FCRL4: variants seen among roughly 807,000 people sequenced by gnomAD.
FCRL4 encodes the protein Fc receptor like 4.
Under a neutral mutation model 64.1 loss-of-function variants are expected in FCRL4, and 43 were observed. The observed-to-expected ratio is 0.67, with a 90% CI of 0.53 to 0.87. The LOEUF (loss-of-function observed/expected upper bound fraction) is 0.87. Ranked by LOEUF, FCRL4 falls within the 40% of genes least tolerant of loss-of-function variation. The pLI, the probability that FCRL4 is intolerant of heterozygous loss-of-function variation, is 0.00. For missense variants in FCRL4, 656 were observed against 613.5 expected (o/e 1.07, Z -0.73); for synonymous variants, 253 against 239.8 (o/e 1.05, Z -0.51).
chr1:157,591,619 G>T (rs1299817173), intron 2 of FCRL4, among the ~76,000 whole-genome samples: 1 of 152,076 alleles, frequency 6.6e-6, no homozygotes, highest in Admixed American at 6.6e-5. Flanking sequence ...GGGGAGGTAG[G>T]TGCTCCTAAC....
At chr1:157,583,436 A>G (rs6698903) in intron 6 of FCRL4, among the ~76,000 whole-genome samples, 6,409 of 152,090 alleles carry the variant, frequency 0.042, 342 homozygotes, top group African/African-American at 0.12. Flanking sequence ...TCTAACCCCA[A>G]TGTGATGGTA....
At chr1:157,596,674 C>T (rs1652973932) in intron 1 of FCRL4, among the ~76,000 whole-genome samples, 1 of 152,174 alleles carries the variant, frequency 6.6e-6, no homozygotes, top group African/African-American at 2.4e-5. Context: ...CAATTAATGG[C>T]TGCTGTCATT....
intron 6 of FCRL4, among the ~76,000 whole-genome samples, chr1:157,585,344 C>CTCTTTCTTTCTTTCTT (rs764765610): frequency 2.7e-4 from 22 of 81,314 alleles, no homozygotes; most frequent in African/African-American, 6.6e-4. Flanking sequence ...CTTTCTCTCT[C>CTCTTTCTTTCTTTCTT]TCTTTCTTTC....
At position 157,587,571 on chromosome 1, in the gene FCRL4, G is replaced by T; in HGVS notation, c.563-11C>A. ...GATGTGGAAATAGTTCTAGAGAGAA[G>T]AGGTAAGTCAAGTTCTGAGCACGAG... On this transcript the variant is annotated splice_polypyrimidine_tract_variant and intron_variant, in intron 4 of 11. Transcript: ENST00000271532. 2 of 1,611,294 alleles carry T rather than the reference G, an allele frequency of 1.2e-6. No individual in the cohort carries two copies. Among genetic ancestry groups the T allele is most frequent in the South Asian group, 2.2e-5 (2 of 90,952 alleles).
intron 6 of FCRL4, 66 bp downstream of exon 6, chr1:157,586,102 T>C: frequency 6.8e-7 from 1 of 1,472,596 alleles, no homozygotes; most frequent in African/African-American, 1.4e-5. Context: ...TAATGTTAGC[T>C]ATCCCCACCC....
At chr1:157,588,351 T>A (rs772076798) in intron 3 of FCRL4, among the ~76,000 whole-genome samples, 1 of 151,958 alleles carries the variant, frequency 6.6e-6, no homozygotes, top group Non-Finnish European at 1.5e-5. Context: ...AGATAAGGAG[T>A]CTAATACGGA....
At chr1:157,585,391 TTTCC>T (rs879765466) in intron 6 of FCRL4, among the ~76,000 whole-genome samples, 16,636 of 94,340 alleles carry the variant, frequency 0.18, 1,575 homozygotes, top group Middle Eastern at 0.21. Flanking sequence ...TCTTTCTTTC[TTTCC>T]TTCTTTCTTT....
chr1:157,590,734 G>A (rs1166600759), intron 2 of FCRL4, among the ~76,000 whole-genome samples: 1 of 152,050 alleles, frequency 6.6e-6, no homozygotes, highest in African/African-American at 2.4e-5. Flanking sequence ...AGCCAGGATG[G>A]TCTCTATCTC....
chr1:157,595,698 T>C (rs1652946162), intron 2 of FCRL4, among the ~76,000 whole-genome samples: 1 of 152,166 alleles, frequency 6.6e-6, no homozygotes, highest in Non-Finnish European at 1.5e-5. Context: ...AACAGCAGAG[T>C]TAGGAGCTGC....
chr1:157,574,269 A>G lies in FCRL4; in HGVS notation c.*1255T>C. On this transcript the variant is annotated 3_prime_UTR_variant, in exon 12 of 12. Coordinates refer to ENST00000271532, the MANE Select transcript of FCRL4 (RefSeq NM_031282.3). ...GATTTGCCCTATAGAACTTTTTCTC[A>G]GTTTATGTTTTGCTGGTTGCAATCC... 4.6e-6 allele frequency: 1 copy of G among 218,436 alleles called. No homozygotes were observed. The highest frequency in any genetic ancestry group is 9.2e-6 in the Non-Finnish European group (1 of 108,922). 13.5% of individuals were successfully genotyped at this position (218,436 alleles called of 1,614,324 possible).
chr1:157,586,570 G>C lies in FCRL4; in HGVS notation c.848-115C>G, dbSNP rs574659351. On this transcript the variant is annotated intron_variant, in intron 5 of 11. Transcript: ENST00000271532. ...TGACTTCAAGATATACTCTTCAGCA[G>C]GCACTAGCATTGTGGCCAATAGACC... 6.8e-6 allele frequency: 6 copies of C among 876,528 alleles called. No individual in the cohort carries two copies. In the East Asian group the frequency reaches 7.5e-5, roughly 11 times the overall value. 54.3% of individuals were successfully genotyped at this position (876,528 alleles called of 1,614,324 possible).
In FCRL4 at chr1:157,574,027, G is replaced by T; in HGVS notation, c.*1497C>A. ...TCTATTTTTCTTTTTCTCTTTTTTT[G>T]GGGGTGATACATGTGACAAATTCAT... On this transcript the variant is annotated 3_prime_UTR_variant, in exon 12 of 12. Transcript: ENST00000271532. The T allele has an allele frequency of 4.8e-6, 1 of 206,582 alleles. No homozygotes were observed. The highest frequency in any genetic ancestry group is 9.9e-6 in the Non-Finnish European group (1 of 101,378). The allele number at this position is 206,582 out of a possible 1,614,324, so 12.8% of individuals were successfully genotyped here. A position where few individuals can be genotyped will look rare whatever the true frequency, so the allele number is the denominator to read the frequency against.
intron 6 of FCRL4, among the ~76,000 whole-genome samples, chr1:157,582,368 C>T (rs1056687739): frequency 2.6e-5 from 4 of 152,102 alleles, no homozygotes; most frequent in African/African-American, 7.2e-5. Context: ...GTTAAAGTCC[C>T]GGCTCTTGAG....
intron 3 of FCRL4, among the ~76,000 whole-genome samples, chr1:157,588,551 C>T (rs1324666147): frequency 6.6e-6 from 1 of 152,214 alleles, no homozygotes; most frequent in African/African-American, 2.4e-5. Flanking sequence ...GAGACACAGT[C>T]TAGGTTGAAG....
At position 157,597,845 on chromosome 1, in the gene FCRL4, A is replaced by C. The variant is rs1653000932; in HGVS notation, c.31+69T>G. Reference sequence around the variant, plus strand: ...TAAAAATCCATGATTGCAGCAGCAGAAAAGAGGGCTTTTGCTCATGGTGAG... The same window carrying C: ...TAAAAATCCATGATTGCAGCAGCAGCAAAGAGGGCTTTTGCTCATGGTGAG... On this transcript the variant is annotated intron_variant, in intron 1 of 11. Coordinates refer to ENST00000271532, the MANE Select transcript of FCRL4 (RefSeq NM_031282.3). The C allele has an allele frequency of 2.3e-6, 3 of 1,299,888 alleles. No individual in the cohort carries two copies. In the South Asian group the frequency reaches 3.8e-5, roughly 16 times the overall value. 80.5% of individuals were successfully genotyped at this position (1,299,888 alleles called of 1,614,324 possible).
intron 1 of FCRL4, among the ~76,000 whole-genome samples, chr1:157,597,151 T>C (rs1156585976): frequency 6.6e-6 from 1 of 152,206 alleles, no homozygotes; most frequent in Admixed American, 6.5e-5. Context: ...ATCTGTGTCC[T>C]TCAGGTCTCT....
At chr1:157,586,510 G>C in intron 5 of FCRL4, 55 bp from the exon 6 acceptor site, 1 of 1,513,982 alleles carries the variant, frequency 6.6e-7, no homozygotes, top group South Asian at 1.2e-5. Context: ...GGCAGGGCTA[G>C]GTAGCTGGGG....
chr1:157,594,082 G>A, intron 2 of FCRL4, among the ~76,000 whole-genome samples: 1 of 152,200 alleles, frequency 6.6e-6, no homozygotes, highest in Admixed American at 6.5e-5. Context: ...TAAAGAGTAT[G>A]GCAGAGCAAG....
intron 5 of FCRL4, among the ~76,000 whole-genome samples, chr1:157,586,892 C>T (rs545109000): frequency 6.6e-6 from 1 of 152,236 alleles, no homozygotes; most frequent in African/African-American, 2.4e-5. Context: ...GGCACTCACA[C>T]TGTTCATTGC....
Sources: allele counts gnomAD v4.1 joint callset (sites outside exome capture counted in the v4.1 genomes callset), GRCh38; gene constraint gnomAD v4.1.1; transcripts MANE v1.5; gene names NCBI Gene and HGNC (gene_info 2026-07-23, HGNC 2026-07-21).